Variants in KCTD1 observed in about 807,000 individuals in gnomAD.
KCTD1 encodes the protein potassium channel tetramerization domain containing 1.
KCTD1 carries 24 observed loss-of-function variants against 66.0 expected under a neutral mutation model. The observed-to-expected ratio is 0.36, with a 90% CI of 0.26 to 0.51. KCTD1 has a LOEUF of 0.51. Among genes scored for constraint, KCTD1 ranks in the 20% least tolerant of loss-of-function variants. The pLI is 0.95. For missense variants in KCTD1, 943 were observed against 1,205.2 expected (o/e 0.78, Z 3.22); for synonymous variants, 511 against 517.2 (o/e 0.99, Z 0.16).
At chr18:26,602,954 C>G (rs1246126282) in intron 1 of KCTD1, among the ~76,000 whole-genome samples, 1 of 152,050 alleles carries the variant, frequency 6.6e-6, no homozygotes. Context: ...GAATGGAGAG[C>G]CCAGAAATAA....
chr18:26,458,283 A>ATATT (rs1295421099), intron 4 of KCTD1: 1 of 152,224 alleles, frequency 6.6e-6, no homozygotes, highest in African/African-American at 2.4e-5. Context: ...ATCTGTTCAT[A>ATATT]TATTTTAAAG....
At chr18:26,529,349 C>T (rs913556890) in intron 1 of KCTD1, among the ~76,000 whole-genome samples, 5 of 152,290 alleles carry the variant, frequency 3.3e-5, no homozygotes, top group South Asian at 2.1e-4. Context: ...GGCACTTGCA[C>T]CTTGAACTCT....
At chr18:26,648,460 A>C (rs1987969975) in intron 1 of KCTD1, among the ~76,000 whole-genome samples, 1 of 152,222 alleles carries the variant, frequency 6.6e-6, no homozygotes, top group African/African-American at 2.4e-5. Flanking sequence ...AATAGATTGC[A>C]GTCCTCATTA....
intron 1 of KCTD1, among the ~76,000 whole-genome samples, chr18:26,626,264 G>A (rs1047694162): frequency 6.6e-6 from 1 of 152,034 alleles, no homozygotes; most frequent in Non-Finnish European, 1.5e-5. Context: ...TGCCAGCACT[G>A]TTCCAGAAAA....
rs143485997 is a variant in KCTD1, at chr18:26,481,405, C to T, written c.1989-4746G>A. 1.3e-3 allele frequency among the ~76,000 whole-genome samples: 193 copies of T among 152,186 alleles called. 1 individual carries two copies. The highest frequency in any genetic ancestry group is 4.5e-3 in the African/African-American group (185 of 41,514). On this transcript the variant is annotated intron_variant, in intron 2 of 4. Coordinates refer to ENST00000580059, the MANE Select transcript of KCTD1 (RefSeq NM_001142730.3). ...GGTTAGGTAAGCAGGGAGAAGGGTG[C>T]GGAAGATACAAAGGCTTGTAGCCAA...
upstream of KCTD1, chr18:26,629,290 C>A (rs994790929): frequency 1.3e-6 from 1 of 767,648 alleles, no homozygotes. Context: ...TTAGCCTCTG[C>A]CCTGCAAGCT....
intron 2 of KCTD1, among the ~76,000 whole-genome samples, chr18:26,496,048 T>C (rs1283073695): frequency 6.6e-6 from 1 of 152,216 alleles, no homozygotes; most frequent in Non-Finnish European, 1.5e-5. Context: ...GTGTCAACAG[T>C]AGATCTTAAA....
chr18:26,593,360 AGAG>A (rs551663896), intron 1 of KCTD1, among the ~76,000 whole-genome samples: 1,094 of 88,682 alleles, frequency 0.012, 25 homozygotes, highest in African/African-American at 0.046. Flanking sequence ...AGGAGGAGGA[AGAG>A]GAGGAGGAGG....
At chr18:26,582,338 T>C (rs1986374357) in intron 1 of KCTD1, among the ~76,000 whole-genome samples, 1 of 151,810 alleles carries the variant, frequency 6.6e-6, no homozygotes, top group East Asian at 1.9e-4. Context: ...AATGGCTCCT[T>C]AAGCCTATTT....
chr18:26,509,442 CAG>C (rs1433746685), intron 1 of KCTD1, among the ~76,000 whole-genome samples: 3 of 151,840 alleles, frequency 2.0e-5, no homozygotes, highest in South Asian at 2.1e-4. Context: ...TTATGAGGTA[CAG>C]AGTGTTAGTT....
chr18:26,626,879 T>G (rs1164591600), intron 1 of KCTD1, among the ~76,000 whole-genome samples: 1 of 152,080 alleles, frequency 6.6e-6, no homozygotes, highest in African/African-American at 2.4e-5. Flanking sequence ...CAATGGGAAA[T>G]TGCCTGGTGG....
chr18:26,549,098 G>C, upstream of KCTD1: 1 of 984,708 alleles, frequency 1.0e-6, no homozygotes, highest in Non-Finnish European at 1.2e-6. Context: ...GGGGCCGCCC[G>C]GAGCGGAGCG....
At chr18:26,575,539 G>A (rs1199422364) in intron 1 of KCTD1, 2 of 152,230 alleles carry the variant, frequency 1.3e-5, no homozygotes, top group Non-Finnish European at 2.9e-5. Context: ...AAGACAGCCA[G>A]GTCAGAAATG....
In KCTD1 at chr18:26,594,665, C is replaced by T. The variant is rs151070644; in HGVS notation, c.-16+34482G>A. Among the ~76,000 whole-genome samples, 6 of 152,242 alleles carry T rather than the reference C, an allele frequency of 3.9e-5. No homozygotes were observed. The East Asian group carries it at 7.7e-4, about 20-fold the overall frequency. On this transcript the variant is annotated intron_variant, in intron 1 of 4. Coordinates refer to the KCTD1 transcript ENST00000317932. ...ACTTTATGTCAACTCAGCTAGGCTG[C>T]GGTGCCCAAATGTCTGGTCAACCAA...
At chr18:26,564,202 G>A (rs1391440143) in intron 1 of KCTD1, among the ~76,000 whole-genome samples, 2 of 152,140 alleles carry the variant, frequency 1.3e-5, no homozygotes, top group Non-Finnish European at 2.9e-5. Flanking sequence ...AACTCAGACT[G>A]AGCATGGACT....
At chr18:26,532,713 T>C (rs568334233) in intron 1 of KCTD1, among the ~76,000 whole-genome samples, 3 of 152,330 alleles carry the variant, frequency 2.0e-5, no homozygotes, top group East Asian at 1.9e-4. Context: ...TGTGATTATG[T>C]TGGCATGAGT....
chr18:26,633,411 T>C (rs574619376), upstream of KCTD1, among the ~76,000 whole-genome samples: 2 of 152,098 alleles, frequency 1.3e-5, no homozygotes, highest in Non-Finnish European at 2.9e-5. Context: ...AAGGAAACCT[T>C]AACAAGACTG....
chr18:26,617,849 AAGGGAGGGAGGGAGGGAGGG>A (rs56029109), intron 1 of KCTD1, among the ~76,000 whole-genome samples: 1 of 104,938 alleles, frequency 9.5e-6, no homozygotes, highest in Non-Finnish European at 1.8e-5. Context: ...GGAAGGAAGG[AAGGGAGGGAGGGAGGGAGGG>A]AGGGAGGGAG....
chr18:26,645,473 A>T (rs887165709), intron 1 of KCTD1, among the ~76,000 whole-genome samples: 2 of 151,822 alleles, frequency 1.3e-5, no homozygotes, highest in Non-Finnish European at 2.9e-5. Context: ...TGCAAACATA[A>T]CTCACTGCAG....
Sources: gnomAD v4.1 joint callset for allele counts (sites outside exome capture counted in the v4.1 genomes callset) on GRCh38, gnomAD v4.1.1 for gene constraint, MANE v1.5 for transcripts, NCBI Gene and HGNC (gene_info 2026-07-23, HGNC 2026-07-21) for gene names.